The following SGCD variants were observed in gnomAD, a reference collection of about 807,000 sequenced individuals.
The protein encoded by SGCD is delta-sarcoglycan.
Under a neutral mutation model 36.6 loss-of-function variants are expected in SGCD, and 18 were observed. The observed-to-expected ratio is 0.49, with a 90% CI of 0.34 to 0.73. The LOEUF (loss-of-function observed/expected upper bound fraction) is 0.73, where lower values mean the gene tolerates loss of function less well. Ranked by LOEUF, SGCD falls within the 30% of genes least tolerant of loss-of-function variation. The probability of loss-of-function intolerance (pLI) is 0.01; values close to 1 mark genes in which losing one functional copy is unlikely to be tolerated. For missense variants in SGCD, 387 were observed against 346.7 expected (o/e 1.12, Z -0.92); for synonymous variants, 133 against 130.6 (o/e 1.02, Z -0.12).
intron 7 of SGCD, among the ~76,000 whole-genome samples, chr5:156,729,645 C>T (rs1299838501): frequency 1.3e-5 from 2 of 152,176 alleles, no homozygotes; most frequent in African/African-American, 4.8e-5. Flanking sequence ...TTAGCCATCC[C>T]AGGCTGACCT....
chr5:155,908,591 T>C (rs1331495375), intron 1 of SGCD, among the ~76,000 whole-genome samples: 1 of 152,144 alleles, frequency 6.6e-6, no homozygotes, highest in Non-Finnish European at 1.5e-5. Context: ...TATTTCTACA[T>C]AATTCTAAAG....
At chr5:156,352,614 A>T (rs1046101986) in intron 3 of SGCD, among the ~76,000 whole-genome samples, 32 of 152,300 alleles carry the variant, frequency 2.1e-4, no homozygotes, top group Middle Eastern at 3.4e-3. Flanking sequence ...TTTAGTTTCT[A>T]TTCGTTAACA....
intron 3 of SGCD, among the ~76,000 whole-genome samples, chr5:156,133,962 G>A (rs74715625): frequency 0.013 from 1,657 of 122,996 alleles, 27 homozygotes; most frequent in African/African-American, 0.056. Context: ...CACACACACA[G>A]TTTCTCTCTG....
chr5:156,190,716 C>T (rs1431940072), intron 3 of SGCD, among the ~76,000 whole-genome samples: 1 of 151,940 alleles, frequency 6.6e-6, no homozygotes, highest in East Asian at 1.9e-4. Context: ...TAACATGTAC[C>T]TTTTAATAGG....
chr5:156,333,640 C>A (rs1768174552), intron 2 of SGCD, among the ~76,000 whole-genome samples: 1 of 151,862 alleles, frequency 6.6e-6, no homozygotes, highest in South Asian at 2.1e-4. Flanking sequence ...CTCATTGGCT[C>A]AACTGTAAAA....
At chr5:156,253,646 A>C (rs1484953866) in intron 3 of SGCD, among the ~76,000 whole-genome samples, 21 of 152,202 alleles carry the variant, frequency 1.4e-4, no homozygotes. Context: ...CGAGTATATT[A>C]ATACATCAAA....
intron 7 of SGCD, among the ~76,000 whole-genome samples, chr5:156,668,287 TA>T (rs1345307437): frequency 6.6e-6 from 1 of 152,252 alleles, no homozygotes; most frequent in Non-Finnish European, 1.5e-5. Flanking sequence ...AATATTTATG[TA>T]GCTTTTCTCC....
chr5:156,354,958 G>C (rs1769428287), intron 3 of SGCD, among the ~76,000 whole-genome samples: 1 of 152,218 alleles, frequency 6.6e-6, no homozygotes. Flanking sequence ...TCTAGGTTCA[G>C]AGTTGTTTGT....
At chr5:156,568,606 C>A (rs529316870) in intron 4 of SGCD, among the ~76,000 whole-genome samples, 2 of 152,286 alleles carry the variant, frequency 1.3e-5, no homozygotes, top group African/African-American at 4.8e-5. Flanking sequence ...GGCATACTGT[C>A]CACACACTGT....
intron 2 of SGCD, among the ~76,000 whole-genome samples, chr5:156,341,668 T>G (rs1275316884): frequency 1.3e-5 from 2 of 152,204 alleles, no homozygotes; most frequent in Admixed American, 6.5e-5. Context: ...CCTCTGTGAT[T>G]GTTACTTAAC....
At chr5:156,099,069 T>G (rs544245217) in intron 1 of SGCD, among the ~76,000 whole-genome samples, 1 of 152,330 alleles carries the variant, frequency 6.6e-6, no homozygotes, top group South Asian at 2.1e-4. Context: ...TTGGGGTTGT[T>G]GGTAAACACC....
intron 1 of SGCD, among the ~76,000 whole-genome samples, chr5:155,984,813 T>C (rs1382866850): frequency 6.6e-6 from 1 of 152,168 alleles, no homozygotes; most frequent in East Asian, 1.9e-4. Context: ...TGCCAGGTGC[T>C]CCCCCTCCGT....
At chr5:155,766,065 G>A in the SGCD span, among the ~76,000 whole-genome samples, 3 of 152,124 alleles carry the variant, frequency 2.0e-5, no homozygotes, top group Admixed American at 2.0e-4. Flanking sequence ...GAAGAGGCTG[G>A]GTTGTTCCTC....
the SGCD span, among the ~76,000 whole-genome samples, chr5:155,789,683 A>G: frequency 6.6e-6 from 1 of 152,132 alleles, no homozygotes; most frequent in Non-Finnish European, 1.5e-5. Context: ...TCTTGCATTT[A>G]CATAGTGATT....
At chr5:155,862,151 G>A in the SGCD span, among the ~76,000 whole-genome samples, 3 of 152,246 alleles carry the variant, frequency 2.0e-5, no homozygotes, top group Non-Finnish European at 4.4e-5. Context: ...TTTCTAGGAT[G>A]CAAATGGTGT....
chr5:156,229,251 T>TAC (rs1462737233), intron 3 of SGCD, among the ~76,000 whole-genome samples: 3 of 106,112 alleles, frequency 2.8e-5, no homozygotes, highest in South Asian at 3.2e-4. Context: ...TATATATATA[T>TAC]ACATACATAC....
In SGCD at chr5:156,212,565, C is replaced by T. The variant is rs370873757; in HGVS notation, c.-44+88546C>T. Among the ~76,000 whole-genome samples, 3 of 152,010 alleles carry T rather than the reference C, an allele frequency of 2.0e-5. No individual in the cohort carries two copies. In the South Asian group the frequency reaches 6.2e-4, roughly 32 times the overall value. On this transcript the variant is annotated intron_variant, in intron 3 of 9. Coordinates refer to the SGCD transcript ENST00000517913. ...CAACAACAGTAGAGGACTTCAATAC[C>T]CCAATTTTAGCCATGAACACATCAT...
chr5:156,020,447 A>G (rs1759073894), intron 1 of SGCD, among the ~76,000 whole-genome samples: 1 of 152,182 alleles, frequency 6.6e-6, no homozygotes, highest in African/African-American at 2.4e-5. Context: ...ACATTTTATC[A>G]CATCATATGG....
chr5:156,480,043 GA>G (rs200460842), intron 3 of SGCD, among the ~76,000 whole-genome samples: 2,951 of 152,322 alleles, frequency 0.019, 33 homozygotes, highest in Non-Finnish European at 0.032. Context: ...ATCTGACTGG[GA>G]TGGCTGATGC....
Sources: allele counts gnomAD v4.1 joint callset (sites outside exome capture counted in the v4.1 genomes callset), GRCh38; gene constraint gnomAD v4.1.1; transcripts MANE v1.5; gene names NCBI Gene and HGNC (gene_info 2026-07-23, HGNC 2026-07-21).